LRTM1: variants seen among roughly 807,000 people sequenced by gnomAD.
LRTM1 encodes leucine rich repeat transmembrane protein 1.
Under a neutral mutation model 32.4 loss-of-function variants are expected in LRTM1, and 38 were observed. The observed-to-expected ratio is 1.17, with a 90% confidence interval of 0.91 to 1.54. The LOEUF is 1.54. LRTM1 is among the 40% of genes most tolerant of loss of function. The pLI is 0.00. For synonymous variants in LRTM1, 186 were observed against 169.9 expected, an observed-to-expected ratio of 1.09 and a Z score of -0.74; for missense variants, 466 against 415.4, an observed-to-expected ratio of 1.12 and a Z score of -1.06.
At chr3:54,946,694 A>T (rs1284063525) in intron 1 of LRTM1, among the ~76,000 whole-genome samples, 3 of 152,146 alleles carry the variant, frequency 2.0e-5, no homozygotes, top group Non-Finnish European at 1.5e-5. Flanking sequence ...CCAACCTCAG[A>T]AAAGCATGTT....
Position 54,933,101 on chromosome 3 carries a change from CTTCCTTCCTTCCTTCTTTCT to C in LRTM1, c.-221-7906_-221-7887del, listed in dbSNP as rs1456124152. Among the ~76,000 whole-genome samples the C allele has an allele frequency of 1.1e-3, 103 of 91,816 alleles. 1 individual carries two copies. Among genetic ancestry groups the C allele is most frequent in the Non-Finnish European group, 1.7e-3 (78 of 47,238 alleles). 60.2% of individuals were successfully genotyped at this position (91,816 alleles called of 152,430 possible). On this transcript the variant is annotated intron_variant, in intron 1 of 2. Transcript: ENST00000493075. ...CCTTCCTTCCTTCCTTCCTTCCTTC[CTTCCTTCCTTCCTTCTTTCT>C]GGACCTCTGCCTTTGGATTTACTAT...
intron 1 of LRTM1, among the ~76,000 whole-genome samples, chr3:54,946,286 C>T (rs1037299444): frequency 6.6e-6 from 1 of 152,182 alleles, no homozygotes; most frequent in Non-Finnish European, 1.5e-5. Context: ...TGAGTGCCCC[C>T]TCTTATACTC....
chr3:54,947,756 G>A (rs1043877949), intron 1 of LRTM1, among the ~76,000 whole-genome samples: 1 of 152,138 alleles, frequency 6.6e-6, no homozygotes, highest in African/African-American at 2.4e-5. Flanking sequence ...AATATGAAGG[G>A]CTTGGATGCT....
chr3:54,960,727 C>T (rs1038102753), intron 1 of LRTM1, among the ~76,000 whole-genome samples: 6 of 152,218 alleles, frequency 3.9e-5, no homozygotes, highest in African/African-American at 1.4e-4. Flanking sequence ...ATACTCTGTT[C>T]TCAGTTTTGC....
At position 54,940,713 on chromosome 3, in the gene LRTM1, C is replaced by T. The variant is rs575566746; in HGVS notation, c.-221-15498G>A. Among the ~76,000 whole-genome samples the T allele has an allele frequency of 4.6e-5, 7 of 152,280 alleles. No homozygotes were observed. The East Asian group carries it at 1.4e-3, about 29-fold the overall frequency. On this transcript the variant is annotated intron_variant, in intron 1 of 2. Transcript: ENST00000493075. ...GGCTGTTGTATGAAAAGTCTTTGTA[C>T]TCTGGACGTTCCTTTTGCATTTATT...
chr3:54,961,011 C>CA (rs1702019176), intron 1 of LRTM1, among the ~76,000 whole-genome samples: 1 of 152,068 alleles, frequency 6.6e-6, no homozygotes, highest in South Asian at 2.1e-4. Flanking sequence ...GAAATATTCC[C>CA]AAAAAATGAC....
At chr3:54,950,090 G>C (rs1701718712) in intron 1 of LRTM1, among the ~76,000 whole-genome samples, 1 of 152,190 alleles carries the variant, frequency 6.6e-6, no homozygotes, top group African/African-American at 2.4e-5. Flanking sequence ...CCTGAAAAAA[G>C]GGCGAAGTCT....
At chr3:54,942,341 C>T (rs34304201) in intron 1 of LRTM1, among the ~76,000 whole-genome samples, 2 of 152,210 alleles carry the variant, frequency 1.3e-5, no homozygotes, top group Non-Finnish European at 2.9e-5. Context: ...ACCTCTCCCC[C>T]TGAGTTCTGC....
chr3:54,933,051 C>CCCTCCCTCCCTT (rs1366811478), upstream of LRTM1, among the ~76,000 whole-genome samples: 152 of 139,460 alleles, frequency 1.1e-3, 1 homozygote, highest in African/African-American at 3.6e-3. Flanking sequence ...ATCCATCCCT[C>CCCTCCCTCCCTT]CCTTCCTTCC....
At chr3:54,937,937 GA>G (rs1398393891) in intron 1 of LRTM1, among the ~76,000 whole-genome samples, 2 of 152,148 alleles carry the variant, frequency 1.3e-5, no homozygotes, top group Non-Finnish European at 2.9e-5. Flanking sequence ...TATTAATATT[GA>G]AAACCATTGG....
chr3:54,920,556 TC>T (rs1376428360), intron 2 of LRTM1, among the ~76,000 whole-genome samples: 4 of 152,176 alleles, frequency 2.6e-5, no homozygotes, highest in Admixed American at 6.5e-5. Flanking sequence ...GAGCAGCTGC[TC>T]CAGATGAGTT....
intron 1 of LRTM1, among the ~76,000 whole-genome samples, chr3:54,933,675 G>T (rs1372078121): frequency 2.0e-5 from 3 of 151,936 alleles, no homozygotes; most frequent in Non-Finnish European, 2.9e-5. Flanking sequence ...AGTTTCAAAT[G>T]ACCTGTTTGT....
At chr3:54,948,639 A>C (rs1036749890) in intron 1 of LRTM1, among the ~76,000 whole-genome samples, 1 of 152,238 alleles carries the variant, frequency 6.6e-6, no homozygotes, top group Non-Finnish European at 1.5e-5. Context: ...ACTAGGTTTC[A>C]TGAGAGACAC....
chr3:54,957,138 C>G (rs1487899918), intron 1 of LRTM1, among the ~76,000 whole-genome samples: 1 of 150,726 alleles, frequency 6.6e-6, no homozygotes, highest in Non-Finnish European at 1.5e-5. Flanking sequence ...TGATATAATT[C>G]CTATGAATCA....
At chr3:54,926,006 G>C (rs1286826037) in intron 1 of LRTM1, among the ~76,000 whole-genome samples, 1 of 152,126 alleles carries the variant, frequency 6.6e-6, no homozygotes, top group Non-Finnish European at 1.5e-5. Flanking sequence ...AGTCCTTCAT[G>C]GGTTATTGTA....
chr3:54,955,914 C>T (rs764317726), intron 1 of LRTM1, among the ~76,000 whole-genome samples: 12 of 152,158 alleles, frequency 7.9e-5, no homozygotes, highest in Non-Finnish European at 1.2e-4. Flanking sequence ...TTTCCAGCCT[C>T]GCCATCTGCC....
rs904487804 is a variant in LRTM1 at position 54,927,775 on chromosome 3, C to T, written c.7+130G>A. 15 of 987,802 alleles carry T rather than the reference C, an allele frequency of 1.5e-5. No individual in the cohort carries two copies. In the African/African-American group the frequency reaches 1.9e-4, roughly 13 times the overall value. The allele number at this position is 987,802 out of a possible 1,614,324, so 61.2% of individuals were successfully genotyped here. On this transcript the variant is annotated intron_variant, in intron 1 of 2. Transcript: ENST00000273286. ...AAACATAAATCATTCCATGCAGAGACATTTTTCATATCTGTCCAGTCTTTT... is the reference window on the plus strand; with the variant it reads ...AAACATAAATCATTCCATGCAGAGATATTTTTCATATCTGTCCAGTCTTTT...
At chr3:54,925,239 G>A (rs773406429) in intron 1 of LRTM1, 24 bp from the exon 2 acceptor site, 5 of 1,584,744 alleles carry the variant, frequency 3.2e-6, no homozygotes, top group African/African-American at 1.3e-5. Flanking sequence ...AAAGAAATTG[G>A]GATAGGAACC....
chr3:54,926,160 T>A (rs756609167), intron 1 of LRTM1, among the ~76,000 whole-genome samples: 1 of 152,154 alleles, frequency 6.6e-6, no homozygotes, highest in Non-Finnish European at 1.5e-5. Context: ...CCAGACATTT[T>A]AAAAACAATC....
Sources: allele counts gnomAD v4.1 joint callset (sites outside exome capture counted in the v4.1 genomes callset), GRCh38; gene constraint gnomAD v4.1.1; transcripts MANE v1.5; gene names NCBI Gene and HGNC (gene_info 2026-07-23, HGNC 2026-07-21).